Variants in TAF1B observed in about 807,000 individuals in gnomAD.
TAF1B encodes the protein TATA-box binding protein associated factor, RNA polymerase I subunit B, also known as TATA box-binding protein-associated factor RNA polymerase I subunit B.
TAF1B carries 61 observed loss-of-function variants against 83.9 expected under a neutral mutation model. That is an observed-to-expected ratio of 0.73 (90% confidence interval 0.59 to 0.90). The LOEUF is 0.90. Among genes scored for constraint, TAF1B ranks in the 40% least tolerant of loss-of-function variants. TAF1B has a pLI of 0.00. For synonymous variants in TAF1B, 221 were observed against 224.6 expected (o/e 0.98, Z 0.14); for missense variants, 625 against 677.0 (o/e 0.92, Z 0.85).
At chr2:9,885,077 C>T (rs754227632) in intron 8 of TAF1B, among the ~76,000 whole-genome samples, 1 of 152,128 alleles carries the variant, frequency 6.6e-6, no homozygotes, top group South Asian at 2.1e-4. Flanking sequence ...AGTATATCTT[C>T]GTAGAACCTA....
intron 1 of TAF1B, among the ~76,000 whole-genome samples, 199 bp from the exon 2 acceptor site, chr2:9,845,021 A>C (rs1425000394): frequency 6.6e-6 from 1 of 152,046 alleles, no homozygotes; most frequent in African/African-American, 2.4e-5. Context: ...TATTTCAATA[A>C]ATTTTCTCCA....
intron 6 of TAF1B, among the ~76,000 whole-genome samples, chr2:9,873,855 G>A (rs1664243474): frequency 6.6e-6 from 1 of 151,794 alleles, no homozygotes; most frequent in Admixed American, 6.6e-5. Flanking sequence ...TGGCTTTCCT[G>A]GAAGAGTGGT....
intron 5 of TAF1B, among the ~76,000 whole-genome samples, chr2:9,856,554 A>T (rs287994): frequency 0.19 from 29,602 of 152,184 alleles, 3,661 homozygotes; most frequent in Non-Finnish European, 0.28. Context: ...AATTGCCTAA[A>T]CTACTAAGAA....
chr2:9,856,032 G>A (rs1397896210), intron 5 of TAF1B, among the ~76,000 whole-genome samples: 1 of 152,182 alleles, frequency 6.6e-6, no homozygotes, highest in Non-Finnish European at 1.5e-5. Context: ...TTTGTTAAGG[G>A]CTTGGGAATT....
intron 8 of TAF1B, among the ~76,000 whole-genome samples, chr2:9,903,571 A>T (rs902441423): frequency 6.6e-6 from 1 of 152,234 alleles, no homozygotes; most frequent in Non-Finnish European, 1.5e-5. Flanking sequence ...TTTGTAAGAG[A>T]ATCTTATATA....
chr2:9,868,301 C>T lies in TAF1B; in HGVS notation c.425C>T (p.Ser142Leu). 3.1e-6 allele frequency: 5 copies of T among 1,612,964 alleles called. No homozygotes were observed. Among genetic ancestry groups the T allele is most frequent in the Non-Finnish European group, 2.5e-6 (3 of 1,179,368 alleles). The change falls in exon 6 of 15, where the codon TCA (serine) becomes TTA (leucine). Residue 142 changes from serine to leucine, a missense_variant. Coordinates refer to ENST00000263663, the MANE Select transcript of TAF1B (RefSeq NM_005680.3). ...GTATTAGAAGATAATCTAAGTCATT[C>T]AGACTGGGCTAGTGAGCCTGAGCTG... ...PTVLEDNLSH[S>L]DWASEPELLS...
chr2:9,886,092 G>T (rs1431763464), intron 8 of TAF1B, among the ~76,000 whole-genome samples: 1 of 151,168 alleles, frequency 6.6e-6, no homozygotes, highest in Non-Finnish European at 1.5e-5. Context: ...ATTATTTGAG[G>T]TAGTATATTC....
At chr2:9,898,415 T>A (rs1665083789) in intron 8 of TAF1B, among the ~76,000 whole-genome samples, 1 of 152,232 alleles carries the variant, frequency 6.6e-6, no homozygotes. Flanking sequence ...ACAGAAGATT[T>A]GAGGTAGAAT....
intron 8 of TAF1B, among the ~76,000 whole-genome samples, chr2:9,893,550 G>A (rs752467597): frequency 1.1e-4 from 16 of 152,274 alleles, no homozygotes; most frequent in South Asian, 6.2e-4. Flanking sequence ...CAGGCTAGAC[G>A]TGGTGGCTCG....
chr2:9,850,541 A>G (rs1572211633), intron 3 of TAF1B, among the ~76,000 whole-genome samples: 1 of 152,142 alleles, frequency 6.6e-6, no homozygotes. Flanking sequence ...CTGGGAAGGA[A>G]TTGGGTTAGT....
chr2:9,888,231 A>ACC (rs1196994878), intron 8 of TAF1B, among the ~76,000 whole-genome samples: 1 of 151,996 alleles, frequency 6.6e-6, no homozygotes, highest in Admixed American at 6.6e-5. Flanking sequence ...ATAGAGTAAG[A>ACC]CCCTTACAAC....
intron 5 of TAF1B, among the ~76,000 whole-genome samples, chr2:9,860,318 C>T (rs892665723): frequency 1.3e-5 from 2 of 152,146 alleles, no homozygotes; most frequent in Admixed American, 6.5e-5. Context: ...ACATAAATTT[C>T]GAAGCTGTTA....
intron 11 of TAF1B, among the ~76,000 whole-genome samples, chr2:9,912,059 C>T (rs917476748): frequency 3.9e-5 from 6 of 152,170 alleles, no homozygotes; most frequent in African/African-American, 1.2e-4. Context: ...TAACTCCTGC[C>T]GCAGTCACTC....
chr2:9,921,126 G>C (rs954995466), intron 14 of TAF1B, among the ~76,000 whole-genome samples: 3 of 152,068 alleles, frequency 2.0e-5, no homozygotes, highest in African/African-American at 7.2e-5. Context: ...AGGTCTTGCT[G>C]TGTCACCCAA....
intron 9 of TAF1B, 74 bp downstream of exon 9, chr2:9,905,080 A>T: frequency 7.3e-7 from 1 of 1,375,236 alleles, no homozygotes; most frequent in South Asian, 1.3e-5. Context: ...GAATCTTTTC[A>T]AATCACAGAC....
At chr2:9,931,984 C>T (rs888254793) in intron 14 of TAF1B, among the ~76,000 whole-genome samples, 23 of 152,188 alleles carry the variant, frequency 1.5e-4, no homozygotes, top group Admixed American at 1.4e-3. Flanking sequence ...GCATGTGTCA[C>T]ATAGTTCTCA....
intron 5 of TAF1B, among the ~76,000 whole-genome samples, chr2:9,864,079 A>G (rs144346254): frequency 0.24 from 36,625 of 151,896 alleles, 4,977 homozygotes; most frequent in East Asian, 0.3. Flanking sequence ...CTAGCAGAAG[A>G]CAAGAAATAA....
At chr2:9,902,155 C>T (rs188036363) in intron 8 of TAF1B, among the ~76,000 whole-genome samples, 22 of 151,512 alleles carry the variant, frequency 1.5e-4, no homozygotes, top group Non-Finnish European at 2.2e-4. Context: ...TAAGCATATA[C>T]CCCTGTACCA....
intron 14 of TAF1B, among the ~76,000 whole-genome samples, chr2:9,925,238 G>A (rs1451747489): frequency 6.6e-6 from 1 of 152,022 alleles, no homozygotes; most frequent in East Asian, 1.9e-4. Flanking sequence ...TCAGGAGATC[G>A]AGACCATCCT....
Sources: gnomAD v4.1 joint callset for allele counts (sites outside exome capture counted in the v4.1 genomes callset) on GRCh38, gnomAD v4.1.1 for gene constraint, MANE v1.5 for transcripts, NCBI Gene and HGNC (gene_info 2026-07-23, HGNC 2026-07-21) for gene names.